COBL: variants seen among roughly 807,000 people sequenced by gnomAD.
The protein encoded by COBL is protein cordon-bleu.
In COBL, 51 loss-of-function variants were observed where a neutral mutation model predicts 98.8. The observed-to-expected ratio is 0.52, with a 90% CI of 0.41 to 0.65. The LOEUF is 0.65. Among genes scored for constraint, COBL ranks in the 30% least tolerant of loss-of-function variants. The probability of loss-of-function intolerance (pLI) is 0.00; values close to 1 mark genes in which losing one functional copy is unlikely to be tolerated. For missense variants in COBL, 1,617 were observed against 1,617.5 expected (o/e 1.00, Z 0.01); for synonymous variants, 634 against 651.7 (o/e 0.97, Z 0.41).
intron 1 of COBL, among the ~76,000 whole-genome samples, chr7:51,309,764 A>G (rs2129216053): frequency 6.6e-6 from 1 of 152,348 alleles, no homozygotes; most frequent in East Asian, 1.9e-4. Flanking sequence ...CAGGCCACAA[A>G]CCAATGACAC....
At chr7:51,085,606 G>A (rs1794163359) in intron 6 of COBL, among the ~76,000 whole-genome samples, 1 of 152,194 alleles carries the variant, frequency 6.6e-6, no homozygotes, top group Non-Finnish European at 1.5e-5. Flanking sequence ...GGCAAGTCTG[G>A]AGAGTTGGTA....
intron 6 of COBL, among the ~76,000 whole-genome samples, chr7:51,097,562 C>T (rs888784031): frequency 1.3e-5 from 2 of 152,064 alleles, no homozygotes; most frequent in African/African-American, 4.8e-5. Context: ...AAAGATTTGA[C>T]AAAAATGCTG....
chr7:51,078,407 G>T (rs1793298716), intron 7 of COBL, among the ~76,000 whole-genome samples: 1 of 152,150 alleles, frequency 6.6e-6, no homozygotes. Flanking sequence ...ATGATACAGA[G>T]AAGAATTAGG....
Position 51,029,166 on chromosome 7 carries a change from T to C in COBL, c.1930A>G (p.Asn644Asp). 6.2e-7 allele frequency: 1 copy of C among 1,614,118 alleles called. No individual in the cohort carries two copies. ...TACACTTTGTCTTTCACTTTTGCAT[T>C]TAGGTTGTCTGTGTGAAGATTCGAA... is the stretch of plus-strand genomic sequence containing the variant. Reference protein sequence around the residue: ...FASNLHTDNLNAKVKDKVYGC... With the variant: ...FASNLHTDNLDAKVKDKVYGC... Residue 644 changes from asparagine (N) to aspartate (D), a missense_variant, in exon 10 of 13, where the codon AAT becomes GAT. By Grantham distance (23) the Asn-to-Asp change is conservative. This residue lies in a region of COBL where 1,304 missense variants were observed against 1,282.0 expected (regional missense o/e 1.02). Transcript: ENST00000265136.
chr7:51,164,864 AG>A, intron 5 of COBL, among the ~76,000 whole-genome samples: 1 of 152,112 alleles, frequency 6.6e-6, no homozygotes, highest in Non-Finnish European at 1.5e-5. Flanking sequence ...AAAGTAAAAA[AG>A]TGGGGAGATG....
intron 1 of COBL, among the ~76,000 whole-genome samples, chr7:51,230,602 A>G (rs1794653534): frequency 1.3e-5 from 2 of 152,178 alleles, no homozygotes; most frequent in Non-Finnish European, 2.9e-5. Flanking sequence ...AATCTCCTGC[A>G]TCACCTGCCT....
At chr7:51,237,621 T>C (rs548464801) in intron 1 of COBL, among the ~76,000 whole-genome samples, 104 of 151,944 alleles carry the variant, frequency 6.8e-4, no homozygotes, top group African/African-American at 2.5e-3. Context: ...CCACTAGCTT[T>C]TGAAAGTTTA....
chr7:51,027,519 C>A (rs547300272), intron 10 of COBL, among the ~76,000 whole-genome samples, 193 bp downstream of exon 10: 1 of 152,330 alleles, frequency 6.6e-6, no homozygotes, highest in East Asian at 1.9e-4. Flanking sequence ...TCCATTTTGT[C>A]CCTTTAATAG....
chr7:51,088,918 G>C (rs919397385), intron 6 of COBL, among the ~76,000 whole-genome samples: 2 of 152,202 alleles, frequency 1.3e-5, no homozygotes, highest in Admixed American at 1.3e-4. Flanking sequence ...GCTTATCCCT[G>C]TGTCGGTGCA....
rs1787856057 is a variant in COBL at position 51,028,715 on chromosome 7, G to A, written c.2381C>T (p.Thr794Ile). The A allele has an allele frequency of 6.2e-7, 1 of 1,614,088 alleles. No individual in the cohort carries two copies. The highest frequency in any genetic ancestry group is 1.1e-5 in the South Asian group (1 of 91,070). ...SESSARGPPS[T>I]PVPTQTQNPE... is the part of the protein sequence containing the mutation. The stretch of plus-strand genomic sequence containing the variant: ...ATTCTGCGTCTGCGTGGGCACAGGG[G>A]TGGAGGGGGGTCCCCTGGCAGAGCT... The change falls in exon 10 of 13, where the codon ACC becomes ATC. Residue 794 changes from threonine to isoleucine, a missense_variant. Coordinates refer to ENST00000265136, the MANE Select transcript of COBL (RefSeq NM_015198.5).
chr7:51,031,285 G>A (rs140047962), intron 8 of COBL: 132 of 187,210 alleles, frequency 7.1e-4, no homozygotes, highest in Non-Finnish European at 9.6e-4. Flanking sequence ...CACAAAAGAC[G>A]GTTCACGTGA....
At chr7:51,108,024 G>A (rs1273373285) in intron 6 of COBL, among the ~76,000 whole-genome samples, 6 of 152,106 alleles carry the variant, frequency 3.9e-5, no homozygotes, top group Non-Finnish European at 7.3e-5. Context: ...GTCTTCAGAG[G>A]AAAAGAGAAT....
chr7:51,130,566 G>C (rs1680991270), intron 6 of COBL, among the ~76,000 whole-genome samples: 1 of 152,166 alleles, frequency 6.6e-6, no homozygotes, highest in Admixed American at 6.5e-5. Context: ...AGGCCTAAAT[G>C]CAGAGAGGAC....
At chr7:51,100,913 C>CA (rs58830988) in intron 6 of COBL, among the ~76,000 whole-genome samples, 310 of 149,030 alleles carry the variant, frequency 2.1e-3, no homozygotes, top group Middle Eastern at 6.8e-3. Flanking sequence ...CAATAAGAAA[C>CA]AAAAAAAAAA....
intron 1 of COBL, among the ~76,000 whole-genome samples, chr7:51,230,109 C>T (rs960437370): frequency 2.6e-5 from 4 of 152,170 alleles, no homozygotes; most frequent in African/African-American, 9.7e-5. Context: ...CAGGCCAGCA[C>T]AGCCCTGAGA....
chr7:51,188,400 G>A (rs1789754153), intron 4 of COBL, among the ~76,000 whole-genome samples: 1 of 152,370 alleles, frequency 6.6e-6, no homozygotes, highest in Non-Finnish European at 1.5e-5. Context: ...GAGAAAGGGA[G>A]CCTCGGAGAT....
intron 7 of COBL, among the ~76,000 whole-genome samples, chr7:51,073,788 A>G (rs773169645): frequency 1.3e-4 from 20 of 152,230 alleles, no homozygotes; most frequent in Non-Finnish European, 2.9e-4. Flanking sequence ...AGAACTCCAG[A>G]GGAAAACAGA....
At chr7:51,207,488 A>G (rs904852091) in intron 2 of COBL, among the ~76,000 whole-genome samples, 1 of 152,070 alleles carries the variant, frequency 6.6e-6, no homozygotes, top group African/African-American at 2.4e-5. Flanking sequence ...GAGCCGAAGC[A>G]GGACGGTACT....
intron 4 of COBL, among the ~76,000 whole-genome samples, chr7:51,184,649 T>C (rs1789310910): frequency 6.6e-6 from 1 of 152,204 alleles, no homozygotes; most frequent in Non-Finnish European, 1.5e-5. Context: ...ATAAAAAGTA[T>C]TGATGAGATA....
Sources: allele counts gnomAD v4.1 joint callset (sites outside exome capture counted in the v4.1 genomes callset), GRCh38; gene constraint gnomAD v4.1.1; regional missense constraint gnomAD v4.1.1; transcripts MANE v1.5; gene names NCBI Gene and HGNC (gene_info 2026-07-23, HGNC 2026-07-21).